The following PHEX variants were observed in gnomAD, a reference collection of about 807,000 sequenced individuals.
PHEX encodes phosphate regulating endopeptidase X-linked, also known as phosphate-regulating neutral endopeptidase PHEX.
PHEX carries 16 observed loss-of-function variants against 68.0 expected under a neutral mutation model. The observed-to-expected ratio is 0.24, with a 90% CI of 0.16 to 0.36. The LOEUF (loss-of-function observed/expected upper bound fraction) is 0.36, where lower values mean the gene tolerates loss of function less well. Among genes scored for constraint, PHEX ranks in the 10% least tolerant of loss-of-function variants. PHEX has a pLI of 1.00. For missense variants in PHEX, 480 were observed against 575.5 expected, an observed-to-expected ratio of 0.83 and a Z score of 1.70; for synonymous variants, 208 against 205.1, an observed-to-expected ratio of 1.01 and a Z score of -0.12.
intron 12 of PHEX, among the ~76,000 whole-genome samples, chrX:22,153,903 C>T (rs951161501): frequency 1.8e-5 from 2 of 111,370 alleles, no homozygotes; most frequent in African/African-American, 6.6e-5. Flanking sequence ...ATAGATTTTG[C>T]GAAGTTACTG....
intron 5 of PHEX, among the ~76,000 whole-genome samples, chrX:22,081,700 G>A (rs1014599070): frequency 9.0e-6 from 1 of 111,328 alleles, no homozygotes; most frequent in South Asian, 3.8e-4. Context: ...TCTACACAGC[G>A]TACTTCTGCA....
In PHEX at chrX:22,244,993, A is replaced by ATGGT. The variant is rs753482813; in HGVS notation, c.2071-338_2071-335dup. 4.5e-5 allele frequency among the ~76,000 whole-genome samples: 5 copies of ATGGT among 111,962 alleles called. No individual in the cohort carries two copies. The East Asian group carries it at 8.5e-4, about 19-fold the overall frequency. On this transcript the variant is annotated intron_variant, in intron 20 of 21. Transcript: ENST00000379374. Reference sequence around the variant, plus strand: ...ACTCATTTTATTGATTTGAATGAGTATGGTTAAATTTGAGAAGGACTATTT... The same window carrying ATGGT: ...ACTCATTTTATTGATTTGAATGAGTATGGTTGGTTAAATTTGAGAAGGACTATTT...
chrX:22,169,059 T>A (rs915651790), intron 13 of PHEX, among the ~76,000 whole-genome samples: 1 of 112,097 alleles, frequency 8.9e-6, no homozygotes, highest in Non-Finnish European at 1.9e-5. Context: ...AAAACCTGTT[T>A]TTACTATTCA....
chrX:22,221,849 A>T, intron 18 of PHEX, 106 bp downstream of exon 18: 1 of 718,978 alleles, frequency 1.4e-6, no homozygotes, highest in Non-Finnish European at 2.2e-6. Flanking sequence ...TACAAGATCA[A>T]CAGCATCTGT....
At chrX:22,215,344 G>T (rs1050219032) in intron 16 of PHEX, among the ~76,000 whole-genome samples, 1 of 111,671 alleles carries the variant, frequency 9.0e-6, no homozygotes, top group African/African-American at 3.3e-5. Context: ...TCATGGTCCA[G>T]TGAGATGGCT....
At chrX:22,074,760 A>G (rs1929070504) in intron 3 of PHEX, among the ~76,000 whole-genome samples, 1 of 111,722 alleles carries the variant, frequency 9.0e-6, no homozygotes, top group Admixed American at 9.5e-5. Context: ...GCGTATTAAA[A>G]AAAAATCTCC....
intron 12 of PHEX, among the ~76,000 whole-genome samples, chrX:22,158,611 G>A (rs1224967620): frequency 8.9e-6 from 1 of 112,099 alleles, no homozygotes; most frequent in Admixed American, 9.5e-5. Context: ...TGAGCTTTCT[G>A]TCTTCCTTTC....
intron 12 of PHEX, among the ~76,000 whole-genome samples, chrX:22,164,634 C>T (rs910140000): frequency 2.7e-5 from 3 of 112,012 alleles, no homozygotes; most frequent in African/African-American, 9.7e-5. Context: ...TCAGCTTGTC[C>T]GTTCGTTCGT....
intron 1 of PHEX, among the ~76,000 whole-genome samples, chrX:22,036,879 T>C (rs912622304): frequency 2.8e-5 from 3 of 108,408 alleles, no homozygotes; most frequent in Admixed American, 1.0e-4. Flanking sequence ...GGGCGGATCA[T>C]GAGGTTAGGA....
chrX:22,076,537 G>T lies in PHEX; in HGVS notation c.436+63G>T, dbSNP rs749124424. 2.0e-5 allele frequency: 14 copies of T among 711,549 alleles called. No homozygotes were observed. In the East Asian group the frequency reaches 4.7e-4, roughly 24 times the overall value. 58.6% of individuals were successfully genotyped at this position (711,549 alleles called of 1,213,427 possible). On this transcript the variant is annotated intron_variant, in intron 4 of 21. Transcript: ENST00000379374. ...CCCTATCCTTTAGAGTTCTATTAAT[G>T]TTTTAATATATTGTTTGAGGAAGAA... is the stretch of plus-strand genomic sequence containing the variant.
At chrX:22,209,196 A>C (rs1397391352) in intron 15 of PHEX, among the ~76,000 whole-genome samples, 1 of 110,666 alleles carries the variant, frequency 9.0e-6, no homozygotes, top group Non-Finnish European at 1.9e-5. Flanking sequence ...GGTCATGTTG[A>C]GGTGTGTGTG....
chrX:22,067,758 C>T (rs1016944886), intron 3 of PHEX, among the ~76,000 whole-genome samples: 3 of 111,355 alleles, frequency 2.7e-5, no homozygotes, highest in African/African-American at 9.8e-5. Context: ...ATCCTGGGTC[C>T]CACCCCAGAC....
intron 12 of PHEX, among the ~76,000 whole-genome samples, chrX:22,144,249 T>C (rs1487122167): frequency 9.0e-6 from 1 of 111,312 alleles, no homozygotes; most frequent in Non-Finnish European, 1.9e-5. Flanking sequence ...ACTGCCTCCC[T>C]CACTAAATAA....
At chrX:22,229,021 G>A (rs1031897649) in intron 20 of PHEX, among the ~76,000 whole-genome samples, 1 of 111,345 alleles carries the variant, frequency 9.0e-6, no homozygotes, top group Non-Finnish European at 1.9e-5. Context: ...TGAGAATGAC[G>A]GTTTCCAGAT....
intron 17 of PHEX, among the ~76,000 whole-genome samples, chrX:22,221,133 T>C (rs1372966078): frequency 8.9e-6 from 1 of 111,756 alleles, no homozygotes; most frequent in Non-Finnish European, 1.9e-5. Flanking sequence ...CCTGGCAACT[T>C]GGAGGAAACA....
intron 10 of PHEX, among the ~76,000 whole-genome samples, chrX:22,113,045 GTGTGTGTGTT>G (rs1931059987): frequency 1.1e-5 from 1 of 92,094 alleles, no homozygotes; most frequent in South Asian, 4.1e-4. Context: ...GTGTGTGTGT[GTGTGTGTGTT>G]TGTGTGTATT....
intron 5 of PHEX, among the ~76,000 whole-genome samples, chrX:22,083,022 A>G (rs1929464541): frequency 8.9e-6 from 1 of 111,825 alleles, no homozygotes; most frequent in Non-Finnish European, 1.9e-5. Flanking sequence ...AGATCAATGG[A>G]AGCAGCCCAG....
intron 12 of PHEX, chrX:22,163,493 C>T (rs1363946254): frequency 9.0e-6 from 1 of 111,724 alleles, no homozygotes; most frequent in Non-Finnish European, 1.9e-5. Context: ...CTGCGTAAAC[C>T]TCCTCTATTG....
chrX:22,160,209 A>G (rs895736522), intron 12 of PHEX, among the ~76,000 whole-genome samples: 1 of 111,602 alleles, frequency 9.0e-6, no homozygotes, highest in African/African-American at 3.3e-5. Flanking sequence ...GCGGAAGGCA[A>G]AGGAAGAGCA....
Sources: allele counts gnomAD v4.1 joint callset (sites outside exome capture counted in the v4.1 genomes callset), GRCh38; gene constraint gnomAD v4.1.1; transcripts MANE v1.5; gene names NCBI Gene and HGNC (gene_info 2026-07-23, HGNC 2026-07-21).